The following PAX5 variants were observed in gnomAD, a reference collection of about 807,000 sequenced individuals.
PAX5 encodes paired box protein Pax-5.
In PAX5, 9 loss-of-function variants were observed where a neutral mutation model predicts 43.7. The observed-to-expected ratio is 0.21, with a 90% CI of 0.12 to 0.36. PAX5 has a LOEUF of 0.36. Ranked by LOEUF, PAX5 falls within the 10% of genes least tolerant of loss-of-function variation. The pLI is 1.00. For missense variants in PAX5, 383 were observed against 532.7 expected (o/e 0.72, Z 2.77); for synonymous variants, 228 against 214.3 (o/e 1.06, Z -0.56).
chr9:36,861,624 C>T (rs1444284823), intron 8 of PAX5, among the ~76,000 whole-genome samples: 1 of 151,794 alleles, frequency 6.6e-6, no homozygotes, highest in African/African-American at 2.4e-5. Context: ...GTGGGAAGGG[C>T]CCTCTAAGCA....
chr9:36,996,833 G>A (rs1294858965), intron 5 of PAX5, among the ~76,000 whole-genome samples: 2 of 152,132 alleles, frequency 1.3e-5, no homozygotes, highest in South Asian at 4.1e-4. Flanking sequence ...GAGAGAGAGA[G>A]ATAGCAAGAG....
intron 7 of PAX5, among the ~76,000 whole-genome samples, chr9:36,909,726 C>T (rs1829097475): frequency 6.6e-6 from 1 of 151,386 alleles, no homozygotes. Flanking sequence ...GCAACCACTT[C>T]TCAACTCTCC....
At chr9:37,016,946 A>T (rs1203165528) in intron 2 of PAX5, among the ~76,000 whole-genome samples, 1 of 152,226 alleles carries the variant, frequency 6.6e-6, no homozygotes, top group African/African-American at 2.4e-5. Flanking sequence ...AGAGTGAGTC[A>T]TTTACAAATT....
chr9:36,925,487 G>C (rs764085349), intron 6 of PAX5, among the ~76,000 whole-genome samples: 1 of 152,184 alleles, frequency 6.6e-6, no homozygotes, highest in African/African-American at 2.4e-5. Flanking sequence ...ATCCAGTCCA[G>C]ACCCTGGTCC....
intron 6 of PAX5, among the ~76,000 whole-genome samples, chr9:36,932,623 C>T (rs924222438): frequency 8.5e-5 from 13 of 152,112 alleles, no homozygotes; most frequent in Non-Finnish European, 1.8e-4. Context: ...AGTGATGAAA[C>T]GAGTCCAAAA....
intron 1 of PAX5, chr9:37,026,696 A>G (rs2132538553): frequency 4.6e-6 from 6 of 1,301,958 alleles, no homozygotes; most frequent in Non-Finnish European, 6.0e-6. Flanking sequence ...CTCAGAAAAC[A>G]CTGCTGGAGC....
intron 9 of PAX5, among the ~76,000 whole-genome samples, chr9:36,841,478 C>G (rs942964247): frequency 1.3e-5 from 2 of 152,238 alleles, no homozygotes; most frequent in African/African-American, 2.4e-5. Context: ...GTCTCCTCCT[C>G]TGGGAAGCCC....
intron 7 of PAX5, among the ~76,000 whole-genome samples, chr9:36,912,191 G>A (rs900205620): frequency 5.9e-5 from 9 of 152,214 alleles, no homozygotes; most frequent in African/African-American, 2.2e-4. Flanking sequence ...TTTGTCTTAT[G>A]CCCCCAGGGC....
intron 8 of PAX5, among the ~76,000 whole-genome samples, chr9:36,880,733 T>A (rs962230311): frequency 6.6e-6 from 1 of 152,110 alleles, no homozygotes; most frequent in African/African-American, 2.4e-5. Context: ...TGGCTAAGTT[T>A]TGTATTTTGT....
chr9:36,905,873 G>C (rs904380746), intron 7 of PAX5, among the ~76,000 whole-genome samples: 1 of 152,198 alleles, frequency 6.6e-6, no homozygotes, highest in Non-Finnish European at 1.5e-5. Flanking sequence ...TGATGGAATT[G>C]CACCTGGTGA....
chr9:36,943,102 A>T (rs540420302), intron 6 of PAX5, among the ~76,000 whole-genome samples: 1 of 152,166 alleles, frequency 6.6e-6, no homozygotes, highest in South Asian at 2.1e-4. Context: ...GCTATTCTCC[A>T]TCTCAGTCCC....
chr9:36,941,146 G>A (rs1832014921), intron 6 of PAX5, among the ~76,000 whole-genome samples: 2 of 152,228 alleles, frequency 1.3e-5, no homozygotes, highest in South Asian at 2.1e-4. Flanking sequence ...AAGCCAGCAG[G>A]CTCAGGAAGC....
chr9:36,986,050 C>A (rs1454970856), intron 5 of PAX5, among the ~76,000 whole-genome samples: 2 of 152,016 alleles, frequency 1.3e-5, no homozygotes, highest in African/African-American at 4.8e-5. Context: ...CGGGTCCCGA[C>A]GCCAGCTCCG....
In PAX5 at chr9:36,994,489, C is replaced by T. The variant is rs190022546; in HGVS notation, c.604+8159G>A. Among the ~76,000 whole-genome samples the T allele has an allele frequency of 7.4e-4, 112 of 152,342 alleles. 1 individual carries two copies. Among genetic ancestry groups the T allele is most frequent in the African/African-American group, 2.6e-3 (110 of 41,574 alleles). The stretch of plus-strand genomic sequence containing the variant: ...TAAGCCTGACTACCCACTTCCCTGA[C>T]CACACACATACACGCACGCACACTC... On this transcript the variant is annotated intron_variant, in intron 5 of 9. Transcript: ENST00000358127.
At chr9:36,939,813 AAGAG>A (rs374942247) in intron 6 of PAX5, among the ~76,000 whole-genome samples, 4,818 of 150,588 alleles carry the variant, frequency 0.032, 100 homozygotes, top group South Asian at 0.048. Context: ...AAGCAAGAGA[AAGAG>A]AGAGAGAGTG....
intron 8 of PAX5, among the ~76,000 whole-genome samples, chr9:36,869,680 T>C (rs1176395961): frequency 6.6e-6 from 1 of 152,218 alleles, no homozygotes; most frequent in South Asian, 2.1e-4. Context: ...CCTCACAGAT[T>C]TGCCTGACAA....
chr9:36,912,293 CT>C (rs1342352211), intron 7 of PAX5, among the ~76,000 whole-genome samples: 10 of 152,260 alleles, frequency 6.6e-5, no homozygotes, highest in Non-Finnish European at 1.3e-4. Context: ...GTGCTAAGCA[CT>C]CTGCAAGGTC....
chr9:37,029,715 G>C (rs916867030), intron 1 of PAX5, among the ~76,000 whole-genome samples: 1 of 152,110 alleles, frequency 6.6e-6, no homozygotes, highest in Non-Finnish European at 1.5e-5. Context: ...CGCCCTGAGG[G>C]ATGCAGCCAG....
intron 6 of PAX5, among the ~76,000 whole-genome samples, chr9:36,932,479 T>C (rs1340927968): frequency 1.3e-5 from 2 of 152,130 alleles, no homozygotes; most frequent in Non-Finnish European, 2.9e-5. Context: ...GGTGAAAAAG[T>C]CCAGACATAT....
Sources: allele counts gnomAD v4.1 joint callset (sites outside exome capture counted in the v4.1 genomes callset), GRCh38; gene constraint gnomAD v4.1.1; transcripts MANE v1.5; gene names NCBI Gene and HGNC (gene_info 2026-07-23, HGNC 2026-07-21).